HNRNPA2B1: variants seen among roughly 807,000 people sequenced by gnomAD.
HNRNPA2B1 encodes the protein heterogeneous nuclear ribonucleoproteins A2/B1.
Under a neutral mutation model 46.3 loss-of-function variants are expected in HNRNPA2B1, and 3 were observed. That is an observed-to-expected ratio of 0.06 (90% CI 0.03 to 0.17). HNRNPA2B1 has a LOEUF of 0.17. Ranked by LOEUF, HNRNPA2B1 falls within the 10% of genes least tolerant of loss-of-function variation. The pLI is 1.00. For missense variants in HNRNPA2B1, 221 were observed against 418.9 expected (o/e 0.53, Z 4.12); for synonymous variants, 225 against 133.8 (o/e 1.68, Z -4.70).
chr7:26,192,388 C>T, intron 10 of HNRNPA2B1, 50 bp from the exon 11 acceptor site: 1 of 754,894 alleles, frequency 1.3e-6, no homozygotes, highest in Non-Finnish European at 2.3e-6. Flanking sequence ...ATGAAATTAT[C>T]CATCTAACCA....
rs779388965 is a variant in HNRNPA2B1 at position 26,192,498 on chromosome 7, T to A, written c.*18A>T. On this transcript the variant is annotated 3_prime_UTR_variant, in exon 10 of 11. Coordinates refer to ENST00000618183, the MANE Select transcript of HNRNPA2B1 (RefSeq NM_002137.4). ...GTAAAACTCAAAAGCTACTTACCCATGGCAAATAGGAAGAAGCTCAGTATC... is the reference window on the plus strand; with the variant it reads ...GTAAAACTCAAAAGCTACTTACCCAAGGCAAATAGGAAGAAGCTCAGTATC... The A allele has an allele frequency of 6.2e-7, 1 of 1,605,790 alleles. No homozygotes were observed. The highest frequency in any genetic ancestry group is 8.5e-7 in the Non-Finnish European group (1 of 1,172,444).
rs1301749888 is a variant in HNRNPA2B1 at position 26,200,626 on chromosome 7, G to A, written c.-49C>T. 2.5e-6 allele frequency: 4 copies of A among 1,612,960 alleles called. No individual in the cohort carries two copies. Among genetic ancestry groups the A allele is most frequent in the African/African-American group, 1.3e-5 (1 of 75,052 alleles). Reference sequence around the variant, plus strand: ...GATTTCCCGCAGCCGAGCGAGATGAGAGAGATCTCCGCGGACGAACACGAA... The same window carrying A: ...GATTTCCCGCAGCCGAGCGAGATGAAAGAGATCTCCGCGGACGAACACGAA... On this transcript the variant is annotated 5_prime_UTR_variant, in exon 1 of 11. Transcript: ENST00000618183.
Position 26,200,683 on chromosome 7 carries a change from G to T in HNRNPA2B1, c.-106C>A. On this transcript the variant is annotated 5_prime_UTR_variant, in exon 1 of 11. Transcript: ENST00000618183. ...TCGTCCTGGCGCTGTAGTGAGAACT[G>T]CCGCTGCTCGAGAAACAACTCTGCG... 1 of 1,408,824 alleles carries T rather than the reference G, an allele frequency of 7.1e-7. No individual in the cohort carries two copies. Among genetic ancestry groups the T allele is most frequent in the Non-Finnish European group, 1.0e-6 (1 of 999,204 alleles). The allele number at this position is 1,408,824 out of a possible 1,614,324, so 87.3% of individuals were successfully genotyped here. A position where few individuals can be genotyped will look rare whatever the true frequency, so the allele number is the denominator to read the frequency against.
In HNRNPA2B1 at chr7:26,190,724, A is replaced by T. The variant is rs568032043; in HGVS notation, c.*1636T>A. ...ACCACATTTAACCCACCTATTTAGTACTGGATACATACCAGGCTTCATAAT... is the reference window on the plus strand; with the variant it reads ...ACCACATTTAACCCACCTATTTAGTTCTGGATACATACCAGGCTTCATAAT... On this transcript the variant is annotated 3_prime_UTR_variant, in exon 11 of 11. Transcript: ENST00000618183. 1 of 152,184 alleles carries T rather than the reference A, an allele frequency of 6.6e-6. No homozygotes were observed. Among genetic ancestry groups the T allele is most frequent in the African/African-American group, 2.4e-5 (1 of 41,446 alleles). 9.4% of individuals were successfully genotyped at this position (152,184 alleles called of 1,614,324 possible).
intron 10 of HNRNPA2B1, 44 bp from the exon 11 acceptor site, chr7:26,192,382 A>G: frequency 1.3e-6 from 1 of 744,864 alleles, no homozygotes; most frequent in Non-Finnish European, 2.3e-6. Context: ...TAGGTTATGA[A>G]ATTATCCATC....
At chr7:26,195,200 A>C (rs761573185) in intron 7 of HNRNPA2B1, among the ~76,000 whole-genome samples, 5 of 151,768 alleles carry the variant, frequency 3.3e-5, no homozygotes, top group Non-Finnish European at 7.4e-5. Flanking sequence ...TAAAATTTTA[A>C]TTATAAAAAG....
chr7:26,190,064 G>C lies in HNRNPA2B1; in HGVS notation c.*2296C>G, dbSNP rs1202639756. 2 of 152,514 alleles carry C rather than the reference G, an allele frequency of 1.3e-5. No individual in the cohort carries two copies. Among genetic ancestry groups the C allele is most frequent in the Non-Finnish European group, 2.9e-5 (2 of 67,998 alleles). 9.4% of individuals were successfully genotyped at this position (152,514 alleles called of 1,614,324 possible). On this transcript the variant is annotated 3_prime_UTR_variant, in exon 11 of 11. Transcript: ENST00000618183. ...AAATTTAGGGGATGGTGATCTTTTA[G>C]ACAACCAAATATTTATAGAACAAGA...
At chr7:26,198,687 T>C (rs1243571399) in intron 1 of HNRNPA2B1, 1 of 152,258 alleles carries the variant, frequency 6.6e-6, no homozygotes, top group East Asian at 1.9e-4. Flanking sequence ...TGGGCACTTA[T>C]GAATGTTAAG....
At position 26,190,300 on chromosome 7, in the gene HNRNPA2B1, A is replaced by G. The variant is rs763076283; in HGVS notation, c.*2060T>C. On this transcript the variant is annotated 3_prime_UTR_variant, in exon 11 of 11. Coordinates refer to ENST00000618183, the MANE Select transcript of HNRNPA2B1 (RefSeq NM_002137.4). Reference sequence around the variant, plus strand: ...TGTTTTATATCAAGAACCTCAACTAAATGTTTGTTTTATCAGAAAACATTT... The same window carrying G: ...TGTTTTATATCAAGAACCTCAACTAGATGTTTGTTTTATCAGAAAACATTT... 6.6e-6 allele frequency: 1 copy of G among 152,636 alleles called. No individual in the cohort carries two copies. Among genetic ancestry groups the G allele is most frequent in the African/African-American group, 2.4e-5 (1 of 41,454 alleles). The allele number at this position is 152,636 out of a possible 1,614,324, so 9.5% of individuals were successfully genotyped here.
intron 10 of HNRNPA2B1, 25 bp downstream of exon 10, chr7:26,192,470 A>C (rs752744674): frequency 6.8e-7 from 1 of 1,462,484 alleles, no homozygotes; most frequent in Admixed American, 1.7e-5. Context: ...GATAATAATA[A>C]TTGTAAAACT....
At chr7:26,197,986 G>T in intron 1 of HNRNPA2B1, 1 of 534,830 alleles carries the variant, frequency 1.9e-6, no homozygotes, top group South Asian at 3.1e-5. Context: ...ATTAATGCTT[G>T]ATATAAATTT....
At chr7:26,200,237 G>C (rs1784249576) in intron 1 of HNRNPA2B1, 1 of 325,966 alleles carries the variant, frequency 3.1e-6, no homozygotes, top group Non-Finnish European at 5.8e-6. Flanking sequence ...CCGAGGAGAC[G>C]CCGTGGCCCC....
At chr7:26,199,383 G>C (rs951081823) in intron 1 of HNRNPA2B1, 1 of 152,306 alleles carries the variant, frequency 6.6e-6, no homozygotes, top group Non-Finnish European at 1.5e-5. Context: ...GAGCGGCCCA[G>C]GCCCAAAACA....
rs778170791 is a variant in HNRNPA2B1, at chr7:26,196,669, A to T, written c.476-11T>A. The T allele has an allele frequency of 3.1e-6, 5 of 1,603,700 alleles. No homozygotes were observed. The South Asian group carries it at 5.5e-5, about 18-fold the overall frequency. On this transcript the variant is annotated splice_polypyrimidine_tract_variant and intron_variant, in intron 4 of 10. Coordinates refer to ENST00000618183, the MANE Select transcript of HNRNPA2B1 (RefSeq NM_002137.4). ...TATGGTATTTCTGCACTGGAATGAAAAATTCAGACTCCTTTTAAATTAAAT... is the reference window on the plus strand; with the variant it reads ...TATGGTATTTCTGCACTGGAATGAATAATTCAGACTCCTTTTAAATTAAAT...
At position 26,196,477 on chromosome 7, in the gene HNRNPA2B1, G is replaced by C. The variant is rs748117918; in HGVS notation, c.582C>G (p.Asn194Lys). ...CACCACGTGAATCCCCAAAGCCAAA[G>C]TTGCCTACAATAAATGCCCCAGTTA... is the stretch of plus-strand genomic sequence containing the variant. The part of the protein sequence containing the change: ...VQSSRSGRGG[N>K]FGFGDSRGGG... The change falls in exon 6 of 11, where the codon AAC becomes AAG. Residue 194 changes from asparagine (N) to lysine (K), a missense_variant. By Grantham distance (94) the Asn-to-Lys change is moderately conservative. Coordinates refer to ENST00000618183, the MANE Select transcript of HNRNPA2B1 (RefSeq NM_002137.4). 1 of 1,614,056 alleles carries C rather than the reference G, an allele frequency of 6.2e-7. No homozygotes were observed. The highest frequency in any genetic ancestry group is 8.5e-7 in the Non-Finnish European group (1 of 1,180,002).
At chr7:26,194,019 G>A (rs1382516840) in intron 7 of HNRNPA2B1, among the ~76,000 whole-genome samples, 2 of 152,320 alleles carry the variant, frequency 1.3e-5, no homozygotes, top group Middle Eastern at 3.4e-3. Context: ...GTGTGGGCTA[G>A]AGGGAAAGTA....
intron 5 of HNRNPA2B1, 26 bp from the exon 6 acceptor site, chr7:26,196,507 C>G (rs975124069): frequency 1.2e-6 from 2 of 1,613,652 alleles, no homozygotes; most frequent in Admixed American, 1.7e-5. Flanking sequence ...CAGTTAGAAG[C>G]AAGCCCTTAT....
At chr7:26,197,231 AAAACT>A (rs1234694714) in intron 3 of HNRNPA2B1, 79 bp downstream of exon 3, 12 of 1,457,298 alleles carry the variant, frequency 8.2e-6, no homozygotes, top group African/African-American at 1.4e-5. Context: ...ATCTTGAGTT[AAAACT>A]AAATTCAGAA....
intron 8 of HNRNPA2B1, 86 bp from the exon 9 acceptor site, chr7:26,193,459 A>G (rs774807842): frequency 1.2e-4 from 181 of 1,534,206 alleles, no homozygotes; most frequent in Non-Finnish European, 1.6e-4. Context: ...AATAAAAGCA[A>G]ACACTTATCC....
Sources: allele counts gnomAD v4.1 joint callset (sites outside exome capture counted in the v4.1 genomes callset), GRCh38; gene constraint gnomAD v4.1.1; transcripts MANE v1.5; gene names NCBI Gene and HGNC (gene_info 2026-07-23, HGNC 2026-07-21).